CFDP1: variants seen among roughly 807,000 people sequenced by gnomAD.
The protein encoded by CFDP1 is chromatin remodeling protein CFDP1, also known as heterochromatin-stabilizing protein CFDP1.
CFDP1 carries 31 observed loss-of-function variants against 40.1 expected under a neutral mutation model. The observed-to-expected ratio is 0.77, with a 90% CI of 0.58 to 1.04. The LOEUF is 1.04. Among genes scored for constraint, CFDP1 ranks in the 50% least tolerant of loss-of-function variants. CFDP1 has a pLI of 0.00. For missense variants in CFDP1, 423 were observed against 343.4 expected (o/e 1.23, Z -1.83); for synonymous variants, 167 against 120.0 (o/e 1.39, Z -2.56).
chr16:75,389,842 C>G (rs1327711726), intron 5 of CFDP1, among the ~76,000 whole-genome samples: 2 of 152,204 alleles, frequency 1.3e-5, no homozygotes, highest in Non-Finnish European at 2.9e-5. Context: ...CCCAGATCAG[C>G]TGAATTCCTC....
At chr16:75,377,706 A>T (rs900665279) in intron 5 of CFDP1, among the ~76,000 whole-genome samples, 1 of 152,354 alleles carries the variant, frequency 6.6e-6, no homozygotes, top group Middle Eastern at 3.4e-3. Flanking sequence ...AACCACTCAG[A>T]AAGGCCAACA....
chr16:75,392,312 G>A (rs2078959032), intron 5 of CFDP1, among the ~76,000 whole-genome samples: 2 of 151,588 alleles, frequency 1.3e-5, no homozygotes, highest in Admixed American at 1.3e-4. Context: ...GGCTGACGCA[G>A]GAGAATGGCT....
At chr16:75,325,693 A>T (rs1233197903) in intron 5 of CFDP1, among the ~76,000 whole-genome samples, 1 of 152,242 alleles carries the variant, frequency 6.6e-6, no homozygotes, top group Admixed American at 6.5e-5. Context: ...CACTCAAAAA[A>T]TATTTGTTGA....
In CFDP1 at chr16:75,395,219, G is replaced by C; in HGVS notation, c.531-10C>G. ...CACTTCCTTAGTTACCCTGTGCCAAGGAAAAAGACATCAAGCTTACAAGAA... is the reference window on the plus strand; with the variant it reads ...CACTTCCTTAGTTACCCTGTGCCAACGAAAAAGACATCAAGCTTACAAGAA... On this transcript the variant is annotated splice_polypyrimidine_tract_variant and intron_variant, in intron 4 of 6. Transcript: ENST00000283882. The C allele has an allele frequency of 6.2e-7, 1 of 1,610,536 alleles. No individual in the cohort carries two copies. Among genetic ancestry groups the C allele is most frequent in the Non-Finnish European group, 8.5e-7 (1 of 1,178,248 alleles).
intron 5 of CFDP1, among the ~76,000 whole-genome samples, chr16:75,338,893 T>G (rs2078508446): frequency 6.6e-6 from 1 of 152,208 alleles, no homozygotes; most frequent in African/African-American, 2.4e-5. Flanking sequence ...AAGACTCTGA[T>G]GCCAACTTGA....
chr16:75,313,546 C>T (rs1219520483), intron 5 of CFDP1, among the ~76,000 whole-genome samples: 2 of 152,192 alleles, frequency 1.3e-5, no homozygotes, highest in Non-Finnish European at 2.9e-5. Context: ...CCAGGCTGGT[C>T]GCCATGAGGC....
intron 5 of CFDP1, among the ~76,000 whole-genome samples, chr16:75,307,492 C>T (rs765308200): frequency 1.3e-5 from 2 of 152,186 alleles, no homozygotes; most frequent in Non-Finnish European, 1.5e-5. Flanking sequence ...GCTGGGATTA[C>T]AGGTGTGAGC....
intron 5 of CFDP1, among the ~76,000 whole-genome samples, chr16:75,349,789 G>A (rs2078597945): frequency 7.0e-6 from 1 of 142,306 alleles, no homozygotes; most frequent in African/African-American, 2.6e-5. Context: ...ATTTTTAGTG[G>A]ATTGCTTAGG....
intron 6 of CFDP1, among the ~76,000 whole-genome samples, chr16:75,297,397 G>A (rs1173481664): frequency 6.6e-6 from 1 of 152,138 alleles, no homozygotes; most frequent in Non-Finnish European, 1.5e-5. Flanking sequence ...GAGACCAAGA[G>A]ACTAAATGTC....
At chr16:75,419,636 C>T (rs2079253802) in intron 1 of CFDP1, among the ~76,000 whole-genome samples, 1 of 152,102 alleles carries the variant, frequency 6.6e-6, no homozygotes, top group Admixed American at 6.6e-5. Flanking sequence ...TTCTAAGTCA[C>T]ACGATAAGCT....
At chr16:75,302,248 C>CT (rs1020185647) in intron 6 of CFDP1, among the ~76,000 whole-genome samples, 4 of 151,524 alleles carry the variant, frequency 2.6e-5, no homozygotes, top group Non-Finnish European at 5.9e-5. Context: ...CCATTCCTTA[C>CT]TTTTTTTTTA....
At chr16:75,408,525 T>C (rs946058304) in intron 4 of CFDP1, among the ~76,000 whole-genome samples, 3 of 152,188 alleles carry the variant, frequency 2.0e-5, no homozygotes, top group Middle Eastern at 3.4e-3. Context: ...CACACTGTAA[T>C]TGCAGCACTT....
intron 1 of CFDP1, among the ~76,000 whole-genome samples, chr16:75,422,330 C>G (rs572696049): frequency 4.6e-5 from 7 of 151,608 alleles, no homozygotes; most frequent in African/African-American, 1.7e-4. Context: ...CTCTTGACCT[C>G]GTGATCCACC....
At chr16:75,387,893 T>A (rs989380311) in intron 5 of CFDP1, among the ~76,000 whole-genome samples, 6 of 151,880 alleles carry the variant, frequency 4.0e-5, no homozygotes, top group African/African-American at 1.4e-4. Flanking sequence ...ATGGTTATAT[T>A]AATGAGGAAA....
chr16:75,413,247 G>A (rs927210197), intron 2 of CFDP1, among the ~76,000 whole-genome samples: 2 of 152,014 alleles, frequency 1.3e-5, no homozygotes, highest in South Asian at 2.1e-4. Flanking sequence ...TCCCACTTTC[G>A]GAAGAACTGA....
intron 5 of CFDP1, among the ~76,000 whole-genome samples, chr16:75,385,049 T>C (rs1035648770): frequency 4.0e-5 from 6 of 151,354 alleles, no homozygotes; most frequent in East Asian, 3.9e-4. Flanking sequence ...TAAACCTTGA[T>C]AGGTATTGCA....
At chr16:75,330,276 C>A (rs1330564475) in intron 5 of CFDP1, among the ~76,000 whole-genome samples, 3 of 152,120 alleles carry the variant, frequency 2.0e-5, no homozygotes, top group East Asian at 3.9e-4. Flanking sequence ...ATTAAGACAG[C>A]CTGAGGCTAG....
chr16:75,314,088 T>C (rs916926667), intron 5 of CFDP1, among the ~76,000 whole-genome samples: 2 of 152,212 alleles, frequency 1.3e-5, no homozygotes, highest in African/African-American at 4.8e-5. Context: ...TTTCGCCATG[T>C]TGGCCAGTCT....
chr16:75,356,568 T>C (rs908415814), intron 5 of CFDP1, among the ~76,000 whole-genome samples: 8 of 152,212 alleles, frequency 5.3e-5, no homozygotes, highest in Admixed American at 3.3e-4. Flanking sequence ...ATTTTTAGAA[T>C]GGCAAATGAG....
Sources: allele counts gnomAD v4.1 joint callset (sites outside exome capture counted in the v4.1 genomes callset), GRCh38; gene constraint gnomAD v4.1.1; transcripts MANE v1.5; gene names NCBI Gene and HGNC (gene_info 2026-07-23, HGNC 2026-07-21).